DCDC2C: variants seen among roughly 807,000 people sequenced by gnomAD.
The protein encoded by DCDC2C is doublecortin domain-containing protein 2C.
DCDC2C carries 44 observed loss-of-function variants against 45.0 expected under a neutral mutation model. That is an observed-to-expected ratio of 0.98 (90% CI 0.77 to 1.26). The LOEUF is 1.26. Ranked by LOEUF, DCDC2C falls within the 50% of genes most tolerant of loss-of-function variation. DCDC2C has a pLI of 0.00. For missense variants in DCDC2C, 447 were observed against 468.9 expected (o/e 0.95, Z 0.43); for synonymous variants, 187 against 178.8 (o/e 1.05, Z -0.37).
At chr2:3,765,800 T>A (rs1331215010) in intron 6 of DCDC2C, among the ~76,000 whole-genome samples, 1 of 152,086 alleles carries the variant, frequency 6.6e-6, no homozygotes, top group African/African-American at 2.4e-5. Flanking sequence ...TGTCTGTGGA[T>A]TACATATGCT....
rs1283542088 is a variant in DCDC2C at position 3,847,788 on chromosome 2, G to T, written c.*605G>T. On this transcript the variant is annotated 3_prime_UTR_variant, in exon 11 of 11. Coordinates refer to ENST00000399143, the MANE Select transcript of DCDC2C (RefSeq NM_001287444.2). ...CATGGGGGTGGTCTTCCCCCTTGCT[G>T]TTCTCGTGATAGTGAGTGAGTGCTC... Among the ~76,000 whole-genome samples the T allele has an allele frequency of 2.0e-5, 3 of 152,132 alleles. No homozygotes were observed. Among genetic ancestry groups the T allele is most frequent in the Non-Finnish European group, 4.4e-5 (3 of 68,020 alleles).
chr2:3,808,898 G>A (rs1558237058), intron 10 of DCDC2C, among the ~76,000 whole-genome samples: 1 of 152,096 alleles, frequency 6.6e-6, no homozygotes, highest in Non-Finnish European at 1.5e-5. Flanking sequence ...TTATGTCCAG[G>A]ACCCATTTTG....
intron 4 of DCDC2C, among the ~76,000 whole-genome samples, chr2:3,752,019 C>T (rs1014676029): frequency 6.6e-6 from 1 of 152,146 alleles, no homozygotes; most frequent in Admixed American, 6.5e-5. Flanking sequence ...GGCCTTTTTA[C>T]AGCACCGTAC....
At chr2:3,834,944 T>C (rs558605398) in intron 10 of DCDC2C, among the ~76,000 whole-genome samples, 1 of 152,312 alleles carries the variant, frequency 6.6e-6, no homozygotes, top group East Asian at 1.9e-4. Flanking sequence ...GCTGTTGAAA[T>C]GGTAGGTATT....
chr2:3,733,230 T>A (rs143237370), intron 3 of DCDC2C, among the ~76,000 whole-genome samples: 1 of 152,362 alleles, frequency 6.6e-6, no homozygotes, highest in African/African-American at 2.4e-5. Flanking sequence ...GCTGTTCTCC[T>A]TCCTCAGTCC....
At chr2:3,772,242 G>A (rs1232078663) in intron 8 of DCDC2C, among the ~76,000 whole-genome samples, 1 of 151,650 alleles carries the variant, frequency 6.6e-6, no homozygotes, top group Non-Finnish European at 1.5e-5. Context: ...CAGCATCCGA[G>A]CATCCATGGA....
Position 3,752,872 on chromosome 2 carries a change from T to C in DCDC2C, c.655T>C (p.Ser219Pro). The C allele has an allele frequency of 6.4e-7, 1 of 1,550,540 alleles. No homozygotes were observed. ...CTTCAAATATTTTCCTTACTGGAAG[T>C]CTCCAAGGGTGCCCAGTGAGGTCCA... The part of the protein sequence containing the change: ...ETFKYFPYWK[S>P]PRVPSEVQQR... The change falls in exon 5 of 11, where the codon TCT (serine) becomes CCT (proline). Residue 219 changes from serine (S) to proline (P), a missense_variant. Physicochemically the swap from Ser to Pro is moderately conservative, Grantham distance 74. Coordinates refer to ENST00000399143, the MANE Select transcript of DCDC2C (RefSeq NM_001287444.2).
In DCDC2C at chr2:3,709,410, C is replaced by A. The variant is rs186448239; in HGVS notation, c.339+810C>A. Among the ~76,000 whole-genome samples, 320 of 152,318 alleles carry A rather than the reference C, an allele frequency of 2.1e-3. 1 individual carries two copies. The highest frequency in any genetic ancestry group is 3.1e-3 in the Non-Finnish European group (212 of 68,024). ...TTACAGAAGCGGCTCTTCTCTGTGT[C>A]TTTGGAGCATCACCCAGAGCTCCAT... On this transcript the variant is annotated intron_variant, in intron 2 of 10. Transcript: ENST00000399143.
intron 10 of DCDC2C, among the ~76,000 whole-genome samples, chr2:3,840,352 C>A (rs574379537): frequency 6.6e-6 from 1 of 152,174 alleles, no homozygotes; most frequent in Non-Finnish European, 1.5e-5. Context: ...GCATGCAGCT[C>A]GCTGCCCGCT....
chr2:3,782,961 A>T (rs545484664), intron 9 of DCDC2C, among the ~76,000 whole-genome samples: 7 of 152,332 alleles, frequency 4.6e-5, no homozygotes, highest in African/African-American at 1.2e-4. Context: ...CAAAAAATGT[A>T]TCCACAGGCC....
chr2:3,833,990 T>C (rs1050093442), intron 10 of DCDC2C, among the ~76,000 whole-genome samples: 1 of 152,204 alleles, frequency 6.6e-6, no homozygotes, highest in African/African-American at 2.4e-5. Flanking sequence ...CTCTCTTTAT[T>C]TTCTATTTGT....
At chr2:3,716,709 G>A (rs1439735965) in intron 2 of DCDC2C, among the ~76,000 whole-genome samples, 1 of 152,184 alleles carries the variant, frequency 6.6e-6, no homozygotes, top group Admixed American at 6.5e-5. Context: ...ATGGCCTTGG[G>A]TGGGTGAGGA....
At chr2:3,742,896 G>A (rs1304256778) in intron 4 of DCDC2C, among the ~76,000 whole-genome samples, 2 of 152,212 alleles carry the variant, frequency 1.3e-5, no homozygotes, top group African/African-American at 4.8e-5. Context: ...TGCAGCCAGT[G>A]GGTCCCATTT....
rs1488481652 is a variant in DCDC2C at position 3,736,933 on chromosome 2, C to T, written c.417-4987C>T. 3.3e-5 allele frequency among the ~76,000 whole-genome samples: 5 copies of T among 152,164 alleles called. No individual in the cohort carries two copies. In the East Asian group the frequency reaches 9.6e-4, roughly 29 times the overall value. The stretch of plus-strand genomic sequence containing the variant: ...CCTTTTCAAATCAAAATGCCTGTAA[C>T]CTCCTTTTGCCTTCATTATAAGCCT... On this transcript the variant is annotated intron_variant, in intron 3 of 10. Transcript: ENST00000399143.
intron 6 of DCDC2C, among the ~76,000 whole-genome samples, chr2:3,756,223 T>A (rs1264082270): frequency 1.3e-5 from 2 of 152,180 alleles, no homozygotes; most frequent in African/African-American, 4.8e-5. Context: ...TTGTAACTGT[T>A]TACGTGATCC....
At chr2:3,772,498 G>A (rs59315169) in intron 8 of DCDC2C, among the ~76,000 whole-genome samples, 11,426 of 152,132 alleles carry the variant, frequency 0.075, 547 homozygotes, top group East Asian at 0.24. Flanking sequence ...AGTCAGTTCT[G>A]GAACATCTCA....
At chr2:3,804,197 T>A (rs916791575) in intron 10 of DCDC2C, among the ~76,000 whole-genome samples, 2 of 152,172 alleles carry the variant, frequency 1.3e-5, no homozygotes, top group African/African-American at 4.8e-5. Context: ...ACTCAAAAGG[T>A]AATTGGTGAT....
intron 4 of DCDC2C, among the ~76,000 whole-genome samples, chr2:3,746,596 G>C (rs1669369364): frequency 6.6e-6 from 1 of 152,176 alleles, no homozygotes; most frequent in Non-Finnish European, 1.5e-5. Context: ...ATTTCCCACT[G>C]TCCGTTGAGT....
intron 6 of DCDC2C, among the ~76,000 whole-genome samples, chr2:3,765,597 G>A (rs767045055): frequency 2.9e-4 from 44 of 152,262 alleles, no homozygotes; most frequent in South Asian, 1.2e-3. Flanking sequence ...TTTGAATGGC[G>A]GGAAGTGATG....
Sources: allele counts gnomAD v4.1 joint callset (sites outside exome capture counted in the v4.1 genomes callset), GRCh38; gene constraint gnomAD v4.1.1; transcripts MANE v1.5; gene names NCBI Gene and HGNC (gene_info 2026-07-23, HGNC 2026-07-21).